The following KYNU variants were observed in gnomAD, a reference collection of about 807,000 sequenced individuals.
The protein encoded by KYNU is L-kynurenine hydrolase.
KYNU carries 54 observed loss-of-function variants against 59.2 expected under a neutral mutation model. The ratio of observed to expected loss-of-function variants is 0.91; its 90% confidence interval spans 0.73 to 1.14. KYNU has a LOEUF of 1.14. KYNU is among the 50% of genes most tolerant of loss of function. The probability of loss-of-function intolerance (pLI) is 0.00; values close to 1 mark genes in which losing one functional copy is unlikely to be tolerated. For synonymous variants in KYNU, 177 were observed against 192.0 expected (o/e 0.92, Z 0.65); for missense variants, 567 against 554.4 (o/e 1.02, Z -0.23).
At chr2:142,906,099 GTCTC>G (rs891242964) in intron 2 of KYNU, among the ~76,000 whole-genome samples, 3 of 147,434 alleles carry the variant, frequency 2.0e-5, no homozygotes, top group African/African-American at 2.5e-5. Flanking sequence ...TCTCATCTCT[GTCTC>G]TCTCTCTGTC....
chr2:142,981,807 T>G (rs996819634), intron 8 of KYNU, among the ~76,000 whole-genome samples: 15 of 152,106 alleles, frequency 9.9e-5, no homozygotes, highest in African/African-American at 3.6e-4. Context: ...TTGAGGTTTC[T>G]TTATGCAAAC....
intron 1 of KYNU, among the ~76,000 whole-genome samples, chr2:142,882,879 C>T (rs1441301903): frequency 6.6e-6 from 1 of 152,150 alleles, no homozygotes; most frequent in African/African-American, 2.4e-5. Context: ...GGTATTTCTG[C>T]TTCTAGATCC....
In KYNU at chr2:143,048,106, AAATG is replaced by A. The variant is rs376988158; in HGVS notation, c.*5935_*5938del. Reference sequence around the variant, plus strand: ...GTGATCCGCCCACTTTGACCTTCCAAAATGCTGGGATTACGTGTGAGCCACCAAA... The same window carrying A: ...GTGATCCGCCCACTTTGACCTTCCAACTGGGATTACGTGTGAGCCACCAAA... On this transcript the variant is annotated 3_prime_UTR_variant, in exon 14 of 14. Coordinates refer to ENST00000264170, the MANE Select transcript of KYNU (RefSeq NM_003937.3). 3.6e-4 allele frequency: 54 copies of A among 152,082 alleles called. 1 individual carries two copies. The highest frequency in any genetic ancestry group is 1.3e-3 in the African/African-American group (52 of 41,506). 9.4% of individuals were successfully genotyped at this position (152,082 alleles called of 1,614,324 possible).
At chr2:143,030,323 A>T (rs1573914986) in intron 11 of KYNU, among the ~76,000 whole-genome samples, 2 of 152,192 alleles carry the variant, frequency 1.3e-5, no homozygotes, top group South Asian at 4.1e-4. Flanking sequence ...AAACTCTACC[A>T]TGCAGAGCTT....
intron 10 of KYNU, among the ~76,000 whole-genome samples, chr2:143,023,068 G>A (rs568937261): frequency 1.6e-4 from 24 of 151,548 alleles, no homozygotes; most frequent in African/African-American, 5.8e-4. Context: ...TGATTTATTT[G>A]TTTTCTTTCT....
intron 12 of KYNU, among the ~76,000 whole-genome samples, chr2:143,036,730 A>G (rs888813142): frequency 2.0e-5 from 3 of 152,244 alleles, no homozygotes; most frequent in Admixed American, 6.5e-5. Context: ...CCTCTACTTT[A>G]CTTTTTATAC....
intron 4 of KYNU, among the ~76,000 whole-genome samples, chr2:142,942,381 G>A (rs1344525498): frequency 6.6e-6 from 1 of 152,128 alleles, no homozygotes; most frequent in African/African-American, 2.4e-5. Flanking sequence ...CATTTATTGT[G>A]TTGCTACTTT....
chr2:142,997,755 T>C (rs111447562), intron 10 of KYNU, among the ~76,000 whole-genome samples: 5,550 of 152,250 alleles, frequency 0.036, 132 homozygotes, highest in Non-Finnish European at 0.051. Flanking sequence ...GTTTAGTTTT[T>C]GTGAGGTTGA....
intron 10 of KYNU, among the ~76,000 whole-genome samples, chr2:143,003,292 G>T (rs71411389): frequency 0.03 from 4,577 of 152,150 alleles, 88 homozygotes; most frequent in Admixed American, 0.045. Context: ...AGCTGGGGGG[G>T]GTGGCTCACA....
chr2:142,884,761 C>A (rs550505148), intron 1 of KYNU, among the ~76,000 whole-genome samples: 7 of 127,966 alleles, frequency 5.5e-5, no homozygotes, highest in Admixed American at 9.8e-5. Flanking sequence ...GGCTGGAGTG[C>A]GGTGGTACAA....
intron 4 of KYNU, among the ~76,000 whole-genome samples, chr2:142,934,636 G>C (rs961308466): frequency 4.6e-5 from 7 of 152,120 alleles, no homozygotes; most frequent in African/African-American, 1.7e-4. Flanking sequence ...AGTGTAGGTT[G>C]CCCTGGTATT....
At chr2:143,001,354 G>A (rs1456988561) in intron 10 of KYNU, among the ~76,000 whole-genome samples, 2 of 151,998 alleles carry the variant, frequency 1.3e-5, no homozygotes, top group African/African-American at 2.4e-5. Flanking sequence ...TGTCTCTCTC[G>A]GGCTTCTAGC....
intron 10 of KYNU, among the ~76,000 whole-genome samples, chr2:143,000,814 G>A (rs908439585): frequency 5.3e-5 from 8 of 152,066 alleles, no homozygotes; most frequent in South Asian, 4.1e-4. Flanking sequence ...ATGTGCCCTG[G>A]GTGCTTTTTT....
intron 10 of KYNU, among the ~76,000 whole-genome samples, chr2:142,996,805 A>G (rs1685559644): frequency 6.6e-6 from 1 of 152,102 alleles, no homozygotes; most frequent in Non-Finnish European, 1.5e-5. Flanking sequence ...AGGTCTCTTC[A>G]CCTCTCATTA....
chr2:142,951,707 T>G (rs1327427638), intron 4 of KYNU, among the ~76,000 whole-genome samples: 1 of 152,242 alleles, frequency 6.6e-6, no homozygotes, highest in African/African-American at 2.4e-5. Context: ...GTACACATTC[T>G]TGCATGTTGG....
At chr2:142,990,933 G>T (rs932553812) in intron 10 of KYNU, among the ~76,000 whole-genome samples, 1 of 151,816 alleles carries the variant, frequency 6.6e-6, no homozygotes, top group Non-Finnish European at 1.5e-5. Context: ...CAGTTGAAAA[G>T]GCTGGCTGAC....
At chr2:143,028,120 CTCTT>C (rs1265729902) in intron 10 of KYNU, among the ~76,000 whole-genome samples, 1 of 151,386 alleles carries the variant, frequency 6.6e-6, no homozygotes, top group African/African-American at 2.4e-5. Context: ...CATGATATTT[CTCTT>C]TCTAAATTTT....
At chr2:142,954,363 A>G (rs1270025969) in intron 4 of KYNU, among the ~76,000 whole-genome samples, 1 of 152,088 alleles carries the variant, frequency 6.6e-6, no homozygotes, top group Non-Finnish European at 1.5e-5. Flanking sequence ...TATGATTCAC[A>G]AAGTTTGCCT....
At chr2:142,881,822 C>A (rs1184055606) in intron 1 of KYNU, among the ~76,000 whole-genome samples, 4 of 151,978 alleles carry the variant, frequency 2.6e-5, no homozygotes, top group Admixed American at 6.6e-5. Flanking sequence ...CTCACTGCAA[C>A]CTCAGACTGC....
Sources: allele counts gnomAD v4.1 joint callset (sites outside exome capture counted in the v4.1 genomes callset), GRCh38; gene constraint gnomAD v4.1.1; transcripts MANE v1.5; gene names NCBI Gene and HGNC (gene_info 2026-07-23, HGNC 2026-07-21).